Variants in CHRM3 observed in about 807,000 individuals in gnomAD.
CHRM3 encodes cholinergic receptor muscarinic 3, also known as muscarinic acetylcholine receptor M3.
CHRM3 carries 11 observed loss-of-function variants against 41.8 expected under a neutral mutation model. The observed-to-expected ratio is 0.26, with a 90% confidence interval of 0.17 to 0.44. CHRM3 has a LOEUF of 0.44. Among genes scored for constraint, CHRM3 ranks in the 20% least tolerant of loss-of-function variants. The probability of loss-of-function intolerance (pLI) is 1.00; values close to 1 mark genes in which losing one functional copy is unlikely to be tolerated. For synonymous variants in CHRM3, 297 were observed against 301.4 expected, an observed-to-expected ratio of 0.99 and a Z score of 0.15; for missense variants, 571 against 745.4, an observed-to-expected ratio of 0.77 and a Z score of 2.72.
intron 3 of CHRM3, among the ~76,000 whole-genome samples, chr1:239,617,907 G>C (rs1338515325): frequency 2.0e-5 from 3 of 152,038 alleles, no homozygotes; most frequent in African/African-American, 7.2e-5. Context: ...GGTTCCTTTT[G>C]TGCCTACTTT....
intron 6 of CHRM3, among the ~76,000 whole-genome samples, chr1:239,871,995 A>C (rs1676629697): frequency 6.6e-6 from 1 of 152,202 alleles, no homozygotes; most frequent in African/African-American, 2.4e-5. Flanking sequence ...TGGAAATAGA[A>C]ATGAAAAATA....
chr1:239,812,847 G>C (rs1225922444), intron 5 of CHRM3, among the ~76,000 whole-genome samples: 7 of 152,188 alleles, frequency 4.6e-5, no homozygotes, highest in Admixed American at 3.9e-4. Context: ...AAATGTCCAA[G>C]GTCACATAGG....
intron 1 of CHRM3, among the ~76,000 whole-genome samples, chr1:239,435,457 T>TAAA (rs199621116): frequency 5.1e-5 from 7 of 136,298 alleles, no homozygotes; most frequent in African/African-American, 1.9e-4. Flanking sequence ...TCATAAAATT[T>TAAA]AAAAAAAAAA....
intron 1 of CHRM3, among the ~76,000 whole-genome samples, chr1:239,485,499 G>T (rs1667129668): frequency 6.6e-6 from 1 of 152,122 alleles, no homozygotes; most frequent in Non-Finnish European, 1.5e-5. Context: ...GCCCAGGCTA[G>T]TCTTGAACTC....
chr1:239,881,237 C>A (rs549739912), intron 6 of CHRM3, among the ~76,000 whole-genome samples: 2 of 119,332 alleles, frequency 1.7e-5, no homozygotes, highest in Non-Finnish European at 3.3e-5. Context: ...GAGCCGAGAT[C>A]CCGCCCCTGC....
chr1:239,871,416 A>G (rs1417423623), intron 6 of CHRM3, among the ~76,000 whole-genome samples: 1 of 151,736 alleles, frequency 6.6e-6, no homozygotes, highest in Non-Finnish European at 1.5e-5. Flanking sequence ...TAATTTTTGT[A>G]TTTTTAGTAG....
intron 5 of CHRM3, among the ~76,000 whole-genome samples, chr1:239,681,612 G>C (rs1445917725): frequency 6.6e-6 from 1 of 152,304 alleles, no homozygotes; most frequent in East Asian, 1.9e-4. Flanking sequence ...TTATAAATTA[G>C]TCTGGGTACA....
intron 6 of CHRM3, among the ~76,000 whole-genome samples, chr1:239,857,288 G>A (rs1230907594): frequency 6.6e-6 from 1 of 152,152 alleles, no homozygotes; most frequent in South Asian, 2.1e-4. Flanking sequence ...GCCCCATAGG[G>A]AAAGAGCCAG....
intron 2 of CHRM3, among the ~76,000 whole-genome samples, chr1:239,499,290 C>G (rs1006927750): frequency 6.6e-6 from 1 of 152,036 alleles, no homozygotes; most frequent in Non-Finnish European, 1.5e-5. Context: ...ATATTTCCAA[C>G]AGGAGGGTCA....
chr1:239,616,394 C>A (rs2148782965), intron 3 of CHRM3, among the ~76,000 whole-genome samples: 1 of 152,266 alleles, frequency 6.6e-6, no homozygotes, highest in East Asian at 1.9e-4. Context: ...TTGGGAGTTT[C>A]TTTTCAGGCA....
Position 239,914,789 on chromosome 1 carries a change from T to C in CHRM3, c.*5565T>C, listed in dbSNP as rs1298834662. On this transcript the variant is annotated 3_prime_UTR_variant, in exon 7 of 7. Transcript: ENST00000676153. Reference sequence around the variant, plus strand: ...TTGGCTTAAAAATCCTTGCATGTAGTTTTGCTTGGCGTGGAAAGTTATTAG... The same window carrying C: ...TTGGCTTAAAAATCCTTGCATGTAGCTTTGCTTGGCGTGGAAAGTTATTAG... 1 of 166,946 alleles carries C rather than the reference T, an allele frequency of 6.0e-6. No homozygotes were observed. Among genetic ancestry groups the C allele is most frequent in the Non-Finnish European group, 1.5e-5 (1 of 68,118 alleles). 10.3% of individuals were successfully genotyped at this position (166,946 alleles called of 1,614,324 possible).
Position 239,684,748 on chromosome 1 carries a change from G to GAGAAAGAA in CHRM3, c.-147+6476_-147+6483dup, listed in dbSNP as rs372555411. On this transcript the variant is annotated intron_variant, in intron 5 of 6. Transcript: ENST00000676153. ...AAAGGAAAGGAAAGAGAGAAAGAAA[G>GAGAAAGAA]AGAAAGAAAGAAAGAAAGAAAGAGA... is the stretch of plus-strand genomic sequence containing the variant. Among the ~76,000 whole-genome samples the GAGAAAGAA allele has an allele frequency of 5.3e-3, 569 of 107,790 alleles. 11 individuals carry two copies. The highest frequency in any genetic ancestry group is 0.017 in the African/African-American group (499 of 29,046). The allele number at this position is 107,790 out of a possible 152,430, so 70.7% of individuals were successfully genotyped here.
chr1:239,534,457 G>A (rs958741185), intron 2 of CHRM3, among the ~76,000 whole-genome samples: 1 of 152,162 alleles, frequency 6.6e-6, no homozygotes, highest in African/African-American at 2.4e-5. Flanking sequence ...TTGATGAACT[G>A]GGATATGGAT....
chr1:239,659,687 G>T (rs1673019739), intron 4 of CHRM3, among the ~76,000 whole-genome samples: 1 of 152,140 alleles, frequency 6.6e-6, no homozygotes, highest in South Asian at 2.1e-4. Context: ...TTCCCCTTCA[G>T]ATTTCTTCAA....
chr1:239,455,582 A>T (rs544608602), intron 1 of CHRM3, among the ~76,000 whole-genome samples: 24 of 152,278 alleles, frequency 1.6e-4, no homozygotes, highest in Non-Finnish European at 3.1e-4. Flanking sequence ...TTTTAACAAA[A>T]ATGTTTAAAA....
intron 4 of CHRM3, among the ~76,000 whole-genome samples, chr1:239,655,509 G>T (rs1357215434): frequency 6.6e-6 from 1 of 152,130 alleles, no homozygotes; most frequent in African/African-American, 2.4e-5. Flanking sequence ...TCTATTTGAG[G>T]TCCCTAGTTT....
intron 5 of CHRM3, among the ~76,000 whole-genome samples, chr1:239,770,433 T>G (rs890342341): frequency 6.6e-6 from 1 of 152,206 alleles, no homozygotes; most frequent in Non-Finnish European, 1.5e-5. Flanking sequence ...AAAATTGGTT[T>G]AACTTGGGAT....
intron 3 of CHRM3, among the ~76,000 whole-genome samples, chr1:239,573,812 A>G (rs1014160008): frequency 1.3e-5 from 2 of 152,050 alleles, no homozygotes; most frequent in Non-Finnish European, 2.9e-5. Flanking sequence ...GTTCTTTTAA[A>G]TTTTGCATTC....
At chr1:239,477,178 A>G (rs558380450) in intron 1 of CHRM3, among the ~76,000 whole-genome samples, 1 of 152,346 alleles carries the variant, frequency 6.6e-6, no homozygotes, top group South Asian at 2.1e-4. Context: ...TATGTGACTC[A>G]ACCACTTTTT....
Sources: allele counts gnomAD v4.1 joint callset (sites outside exome capture counted in the v4.1 genomes callset), GRCh38; gene constraint gnomAD v4.1.1; transcripts MANE v1.5; gene names NCBI Gene and HGNC (gene_info 2026-07-23, HGNC 2026-07-21).